Variants in VWA8 observed in about 807,000 individuals in gnomAD.
VWA8 encodes the protein von Willebrand factor A domain containing 8, also known as von Willebrand factor A domain-containing protein 8.
In VWA8, 221 loss-of-function variants were observed where a neutral mutation model predicts 241.5. That is an observed-to-expected ratio of 0.91 (90% CI 0.82 to 1.02). VWA8 has a LOEUF of 1.02. Among genes scored for constraint, VWA8 ranks in the 50% least tolerant of loss-of-function variants. The pLI is 0.00. For synonymous variants in VWA8, 852 were observed against 827.1 expected (o/e 1.03, Z -0.52); for missense variants, 2,322 against 2,328.7 (o/e 1.00, Z 0.06).
chr13:41,648,251 C>A (rs1283105158), intron 37 of VWA8, among the ~76,000 whole-genome samples: 1 of 152,090 alleles, frequency 6.6e-6, no homozygotes, highest in Admixed American at 6.5e-5. Flanking sequence ...GGAAAAAACC[C>A]TACCCAAATA....
intron 20 of VWA8, among the ~76,000 whole-genome samples, chr13:41,771,358 G>C (rs986577273): frequency 1.3e-5 from 2 of 152,106 alleles, no homozygotes; most frequent in Non-Finnish European, 2.9e-5. Flanking sequence ...CCTGACCTCA[G>C]GTGATCCGCC....
chr13:41,866,407 A>ATGTG (rs567226376), intron 10 of VWA8, among the ~76,000 whole-genome samples: 5 of 149,254 alleles, frequency 3.3e-5, no homozygotes, highest in African/African-American at 7.4e-5. Flanking sequence ...GTGTGTGTAT[A>ATGTG]TGTGTGTGTG....
chr13:41,920,664 T>C (rs1181227485), intron 2 of VWA8, among the ~76,000 whole-genome samples: 4 of 152,178 alleles, frequency 2.6e-5, no homozygotes, highest in African/African-American at 9.7e-5. Context: ...TAAACACTTC[T>C]GCACAAATAA....
intron 17 of VWA8, among the ~76,000 whole-genome samples, chr13:41,797,166 G>A (rs1257664733): frequency 2.6e-5 from 4 of 151,490 alleles, no homozygotes; most frequent in Admixed American, 2.6e-4. Context: ...AGGCAGCTGG[G>A]ATTACAGGCA....
In VWA8 at chr13:41,618,830, T is replaced by C. The variant is rs537057559; in HGVS notation, c.4612-3746A>G. On this transcript the variant is annotated intron_variant, in intron 37 of 44. Transcript: ENST00000379310. ...AGGCCTCTGTTCTGTTCCATTGGTC[T>C]ATATCTCTGTTTTGGTACCAGTACC... is the stretch of plus-strand genomic sequence containing the variant. Among the ~76,000 whole-genome samples the C allele has an allele frequency of 3.1e-3, 466 of 152,332 alleles. 2 individuals are homozygous for C. The highest frequency in any genetic ancestry group is 0.01 in the African/African-American group (433 of 41,580).
intron 21 of VWA8, among the ~76,000 whole-genome samples, chr13:41,736,844 CTTTTTTTTTTTTT>C (rs5803100): frequency 5.0e-4 from 64 of 128,500 alleles, no homozygotes; most frequent in Non-Finnish European, 6.9e-4. Context: ...TTTTTCTTTT[CTTTTTTTTTTTTT>C]TTTTTTGACA....
intron 42 of VWA8, among the ~76,000 whole-genome samples, chr13:41,584,065 GTAAA>G (rs2044401583): frequency 1.3e-5 from 2 of 152,124 alleles, no homozygotes; most frequent in African/African-American, 4.8e-5. Context: ...AGAGAGTACT[GTAAA>G]TATTTGGAGA....
At chr13:41,833,345 G>A (rs1460151612) in intron 13 of VWA8, 26 bp downstream of exon 13, 4 of 1,586,384 alleles carry the variant, frequency 2.5e-6, no homozygotes, top group Non-Finnish European at 3.4e-6. Flanking sequence ...GTGTGTCTGT[G>A]TGTGATTTTT....
At chr13:41,682,603 C>G (rs1424458711) in intron 35 of VWA8, among the ~76,000 whole-genome samples, 1 of 152,046 alleles carries the variant, frequency 6.6e-6, no homozygotes, top group East Asian at 1.9e-4. Flanking sequence ...CAAAAATTAG[C>G]CAGATGTGGT....
At chr13:41,674,893 A>G (rs772333263) in intron 36 of VWA8, among the ~76,000 whole-genome samples, 1 of 152,210 alleles carries the variant, frequency 6.6e-6, no homozygotes, top group Non-Finnish European at 1.5e-5. Flanking sequence ...CACAAAGTTA[A>G]TAAGTATTAT....
intron 4 of VWA8, among the ~76,000 whole-genome samples, chr13:41,904,803 A>G (rs1441043066): frequency 6.6e-6 from 1 of 151,528 alleles, no homozygotes; most frequent in Non-Finnish European, 1.5e-5. Flanking sequence ...AACACCCTTA[A>G]TCAAATAACT....
At position 41,939,112 on chromosome 13, in the gene VWA8, C is replaced by T. The variant is rs149692289; in HGVS notation, c.241+10824G>A. 5.9e-3 allele frequency among the ~76,000 whole-genome samples: 902 copies of T among 152,162 alleles called. 4 individuals carry two copies. The highest frequency in any genetic ancestry group is 9.3e-3 in the Non-Finnish European group (635 of 68,012). On this transcript the variant is annotated intron_variant, in intron 2 of 44. Transcript: ENST00000379310. ...ATAAGAGTTCAGTGTGTCCAGTAAA[C>T]CTTAAATGGCCTCATGTATAATTGG...
rs765397161 is a variant in VWA8, at chr13:41,865,990, C to T, written c.1259G>A (p.Arg420His). 4 of 1,614,000 alleles carry T rather than the reference C, an allele frequency of 2.5e-6. No homozygotes were observed. Among genetic ancestry groups the T allele is most frequent in the South Asian group, 1.1e-5 (1 of 91,084 alleles). The change falls in exon 11 of 45, where the codon CGT (arginine) becomes CAT (histidine). Residue 420 changes from arginine (R) to histidine (H), a missense_variant. Arg to His is a conservative substitution (Grantham distance 29). Coordinates refer to ENST00000379310, the MANE Select transcript of VWA8 (RefSeq NM_015058.2). Reference protein sequence around the residue: ...RLLSQPCASDRFIQTLSHKQL... With the variant: ...RLLSQPCASDHFIQTLSHKQL... ...CTTATGGCTCAAAGTCTGTATGAAA[C>T]GGTCTGACGCACAAGGTTGACTTAA...
intron 12 of VWA8, among the ~76,000 whole-genome samples, chr13:41,856,694 T>A (rs1243546297): frequency 6.6e-6 from 1 of 152,038 alleles, no homozygotes; most frequent in Non-Finnish European, 1.5e-5. Context: ...CCTGCTGGTG[T>A]GCACCTGTAG....
intron 8 of VWA8, 98 bp downstream of exon 8, chr13:41,885,822 G>T: frequency 1.2e-6 from 1 of 802,154 alleles, no homozygotes; most frequent in Non-Finnish European, 1.9e-6. Flanking sequence ...TTATAGAAGA[G>T]TATGACAAAA....
At chr13:41,750,532 G>C (rs189281492) in intron 21 of VWA8, among the ~76,000 whole-genome samples, 17 of 151,216 alleles carry the variant, frequency 1.1e-4, no homozygotes, top group Admixed American at 8.6e-4. Flanking sequence ...ATTCACAGGA[G>C]GCCAAATTAT....
chr13:41,914,736 C>CA (rs1876172924), intron 2 of VWA8, among the ~76,000 whole-genome samples: 1 of 152,194 alleles, frequency 6.6e-6, no homozygotes, highest in South Asian at 2.1e-4. Flanking sequence ...AGTACTCTCA[C>CA]AGTTTTGTGT....
intron 29 of VWA8, among the ~76,000 whole-genome samples, chr13:41,696,923 G>T (rs759023269): frequency 2.0e-5 from 3 of 152,094 alleles, no homozygotes; most frequent in Non-Finnish European, 2.9e-5. Flanking sequence ...TCACTCCCTT[G>T]GTGAGTTCTT....
intron 17 of VWA8, among the ~76,000 whole-genome samples, chr13:41,803,698 T>C (rs1035465468): frequency 2.6e-5 from 4 of 152,098 alleles, no homozygotes; most frequent in African/African-American, 9.7e-5. Context: ...CAAGATGAGA[T>C]TTGGGTGGGG....
Sources: gnomAD v4.1 joint callset for allele counts (sites outside exome capture counted in the v4.1 genomes callset) on GRCh38, gnomAD v4.1.1 for gene constraint, MANE v1.5 for transcripts, NCBI Gene and HGNC (gene_info 2026-07-23, HGNC 2026-07-21) for gene names.